ZNF595: variants seen among roughly 807,000 people sequenced by gnomAD.
ZNF595 encodes the protein zinc finger protein 595.
In ZNF595, 9 loss-of-function variants were observed where a neutral mutation model predicts 19.4. The observed-to-expected ratio is 0.46, with a 90% CI of 0.28 to 0.81. The LOEUF is 0.81. Ranked by LOEUF, ZNF595 falls within the 30% of genes least tolerant of loss-of-function variation. The pLI is 0.11. For synonymous variants in ZNF595, 255 were observed against 255.9 expected, an observed-to-expected ratio of 1.00 and a Z score of 0.03; for missense variants, 729 against 736.0, an observed-to-expected ratio of 0.99 and a Z score of 0.11.
chr4:84,537 T>C (rs1714054789), intron 3 of ZNF595, among the ~76,000 whole-genome samples: 2 of 152,188 alleles, frequency 1.3e-5, no homozygotes, highest in African/African-American at 4.8e-5. Flanking sequence ...TTCCCTCTTG[T>C]CTAAAAAAAT....
Position 83,201 on chromosome 4 carries a change from C to T in ZNF595, c.227-2530C>T, listed in dbSNP as rs539284675. Among the ~76,000 whole-genome samples the T allele has an allele frequency of 8.5e-5, 13 of 152,198 alleles. No homozygotes were observed. In the East Asian group the frequency reaches 2.3e-3, roughly 27 times the overall value. The stretch of plus-strand genomic sequence containing the variant: ...AGTTTTATGAAATGGGAGTTTTTGA[C>T]TTTAGATGTACTTTGGGTAATATAA... On this transcript the variant is annotated intron_variant, in intron 3 of 3. Coordinates refer to ENST00000610261, the MANE Select transcript of ZNF595 (RefSeq NM_182524.4).
rs73073882 is a variant in ZNF595, at chr4:79,085, T to G, written c.227-6646T>G. ...TTAATTTTACCTTACAAAAGTAAAATTTAATACCTTATAAACAATAAGTTG... is the reference window on the plus strand; with the variant it reads ...TTAATTTTACCTTACAAAAGTAAAAGTTAATACCTTATAAACAATAAGTTG... On this transcript the variant is annotated intron_variant, in intron 3 of 3. Coordinates refer to ENST00000610261, the MANE Select transcript of ZNF595 (RefSeq NM_182524.4). Among the ~76,000 whole-genome samples, 589 of 152,364 alleles carry G rather than the reference T, an allele frequency of 3.9e-3. 2 individuals are homozygous for G. The highest frequency in any genetic ancestry group is 0.014 in the African/African-American group (564 of 41,596).
intron 3 of ZNF595, among the ~76,000 whole-genome samples, chr4:83,241 G>C (rs1338292699): frequency 1.3e-5 from 2 of 152,086 alleles, no homozygotes; most frequent in African/African-American, 4.8e-5. Flanking sequence ...GACCTCTTCT[G>C]TTTGGTTCTT....
At position 87,511 on chromosome 4, in the gene ZNF595, A is replaced by G; in HGVS notation, c.*60A>G. On this transcript the variant is annotated 3_prime_UTR_variant, in exon 4 of 4. Transcript: ENST00000610261. ...TTACACAGCAAATAAATTGGAGAATATTGCTCCCATATAAACTTGTATTAT... is the reference window on the plus strand; with the variant it reads ...TTACACAGCAAATAAATTGGAGAATGTTGCTCCCATATAAACTTGTATTAT... 2 of 1,379,290 alleles carry G rather than the reference A, an allele frequency of 1.5e-6. No homozygotes were observed. Among genetic ancestry groups the G allele is most frequent in the Non-Finnish European group, 1.9e-6 (2 of 1,044,008 alleles). The allele number at this position is 1,379,290 out of a possible 1,614,324, so 85.4% of individuals were successfully genotyped here.
intron 3 of ZNF595, among the ~76,000 whole-genome samples, chr4:70,155 A>G (rs1219655266): frequency 6.6e-6 from 1 of 152,150 alleles, no homozygotes; most frequent in African/African-American, 2.4e-5. Context: ...AGAAAGCACC[A>G]ACGGTAGATA....
At chr4:74,062 C>T (rs1713543317) in intron 3 of ZNF595, among the ~76,000 whole-genome samples, 1 of 152,096 alleles carries the variant, frequency 6.6e-6, no homozygotes, top group Non-Finnish European at 1.5e-5. Flanking sequence ...AATCCTAATA[C>T]TTTGGGAGGC....
chr4:74,719 ATAGG>A (rs1713574194), intron 3 of ZNF595, among the ~76,000 whole-genome samples: 1 of 152,204 alleles, frequency 6.6e-6, no homozygotes, highest in Non-Finnish European at 1.5e-5. Context: ...CTTCCAGGTC[ATAGG>A]TAGATAAGAG....
rs782198948 is a variant in ZNF595, at chr4:87,224, A to G, written c.1720A>G (p.Asn574Asp). 12 of 1,595,370 alleles carry G rather than the reference A, an allele frequency of 7.5e-6. No individual in the cohort carries two copies. The highest frequency in any genetic ancestry group is 1.7e-6 in the Non-Finnish European group (2 of 1,167,898). The change falls in exon 4 of 4, where the codon AAC (asparagine) becomes GAC (aspartate). Residue 574 changes from asparagine (N) to aspartate (D), a missense_variant. Around this residue, in one of 2 missense-constraint regions of ZNF595, gnomAD observed 729 missense variants for 675.3 expected, o/e 1.08. Transcript: ENST00000610261. ...ATGCAAAGAATGTGGCAAAGCCTATAACTTATCCTCAACCCTTACTAAACA... is the reference window on the plus strand; with the variant it reads ...ATGCAAAGAATGTGGCAAAGCCTATGACTTATCCTCAACCCTTACTAAACA... ...YKCKECGKAY[N>D]LSSTLTKHKR...
At chr4:72,267 T>TTC (rs1678871656) in intron 3 of ZNF595, among the ~76,000 whole-genome samples, 2 of 152,222 alleles carry the variant, frequency 1.3e-5, no homozygotes, top group Admixed American at 6.5e-5. Context: ...CATTTTTTTT[T>TTC]TCCCTGAGCA....
intron 3 of ZNF595, among the ~76,000 whole-genome samples, chr4:85,417 A>G (rs1389458183): frequency 3.9e-5 from 6 of 152,226 alleles, no homozygotes; most frequent in African/African-American, 9.6e-5. Flanking sequence ...GTTTACTCCT[A>G]TAGGCACAAT....
chr4:77,359 A>C (rs1713715821), intron 3 of ZNF595, among the ~76,000 whole-genome samples: 1 of 151,532 alleles, frequency 6.6e-6, no homozygotes, highest in Admixed American at 6.6e-5. Context: ...TCTCATTGAC[A>C]TTCCTTAAGA....
chr4:87,032 T>C lies in ZNF595; in HGVS notation c.1528T>C (p.Cys510Arg). ...TCATACTGGAGAGAAACCCTACAAA[T>C]GTAAAGAATGTGGCAAAGCTTTTAA... ...NIHTGEKPYK[C>R]KECGKAFNQS... Residue 510 changes from cysteine (C) to arginine (R), a missense_variant, in exon 4 of 4, where the codon TGT becomes CGT. Cys to Arg is a radical substitution (Grantham distance 180). Transcript: ENST00000610261. 3 of 1,613,848 alleles carry C rather than the reference T, an allele frequency of 1.9e-6. No homozygotes were observed. The South Asian group carries it at 3.3e-5, about 18-fold the overall frequency.
At position 86,293 on chromosome 4, in the gene ZNF595, A is replaced by G. The variant is rs1553801431; in HGVS notation, c.789A>G (p.Lys263=). Residue 263 remains lysine (K), a synonymous_variant, in exon 4 of 4, where the codon AAA becomes AAG. Transcript: ENST00000610261. The stretch of plus-strand genomic sequence containing the variant: ...CCTACAAATGTGAAGAATGTGGCAA[A>G]GCCTTTACAAGGTCCACAACACTGA... ...EKPYKCEECG[K]AFTRSTTLNE... is the part of the protein sequence containing the mutation. The G allele has an allele frequency of 5.6e-6, 9 of 1,611,882 alleles. No homozygotes were observed. Among genetic ancestry groups the G allele is most frequent in the Non-Finnish European group, 7.6e-6 (9 of 1,178,216 alleles).
At chr4:81,432 C>T (rs1713904480) in intron 3 of ZNF595, among the ~76,000 whole-genome samples, 1 of 152,262 alleles carries the variant, frequency 6.6e-6, no homozygotes, top group Middle Eastern at 3.4e-3. Context: ...TGATTTTACC[C>T]TCCATTTATT....
At chr4:66,416 C>G (rs1713111531) in intron 3 of ZNF595, among the ~76,000 whole-genome samples, 1 of 151,514 alleles carries the variant, frequency 6.6e-6, no homozygotes, top group African/African-American at 2.4e-5. Flanking sequence ...AGGTGGGACT[C>G]TTACTAAAAC....
chr4:75,796 T>G (rs1287131629), intron 3 of ZNF595, among the ~76,000 whole-genome samples: 1 of 151,554 alleles, frequency 6.6e-6, no homozygotes, highest in African/African-American at 2.4e-5. Flanking sequence ...TACAGATTTT[T>G]GGGGGGTTTT....
Position 87,437 on chromosome 4 carries a change from A to C in ZNF595, c.1933A>C (p.Lys645Gln). 6.3e-7 allele frequency: 1 copy of C among 1,591,090 alleles called. No homozygotes were observed. The highest frequency in any genetic ancestry group is 2.2e-5 in the East Asian group (1 of 44,716). Residue 645 changes from lysine to glutamine, a missense_variant, in exon 4 of 4, where the codon AAG (lysine) becomes CAG (glutamine). By Grantham distance (53) the Lys-to-Gln change is moderately conservative (BLOSUM62 1). Around this residue, in one of 2 missense-constraint regions of ZNF595, gnomAD observed 729 missense variants for 675.3 expected, o/e 1.08. Transcript: ENST00000610261. ...LTVHKRIHTG[K>Q]EHS is the part of the protein sequence containing the mutation. ...TGTACACAAGCGAATTCATACTGGC[A>C]AGGAACATAGTTGAATGACATTTCT...
Position 87,255 on chromosome 4 carries a change from G to T in ZNF595, c.1751G>T (p.Arg584Ile), listed in dbSNP as rs2108765636. ...TCCTCAACCCTTACTAAACATAAGA[G>T]AATTCATACTGGAGAGAAACCCTTC... Reference protein sequence around the residue: ...NLSSTLTKHKRIHTGEKPFTC... With the variant: ...NLSSTLTKHKIIHTGEKPFTC... Residue 584 changes from arginine (R) to isoleucine (I), a missense_variant, in exon 4 of 4, where the codon AGA becomes ATA. This residue lies in a region of ZNF595 where 729 missense variants were observed against 675.3 expected (regional missense o/e 1.08). Transcript: ENST00000610261. 1 of 1,593,962 alleles carries T rather than the reference G, an allele frequency of 6.3e-7. No homozygotes were observed. The highest frequency in any genetic ancestry group is 8.6e-7 in the Non-Finnish European group (1 of 1,167,284).
At chr4:80,721 G>T (rs1159281242) in intron 3 of ZNF595, among the ~76,000 whole-genome samples, 2 of 152,140 alleles carry the variant, frequency 1.3e-5, no homozygotes, top group African/African-American at 4.8e-5. Context: ...ATTTCACAAG[G>T]TAATGTCATC....
Sources: gnomAD v4.1 joint callset for allele counts (sites outside exome capture counted in the v4.1 genomes callset) on GRCh38, gnomAD v4.1.1 for gene constraint, gnomAD v4.1.1 regional missense constraint, MANE v1.5 for transcripts, NCBI Gene and HGNC (gene_info 2026-07-23, HGNC 2026-07-21) for gene names.